Variants in ASTN2 observed in about 807,000 individuals in gnomAD.
The protein encoded by ASTN2 is astrotactin-2.
In ASTN2, 54 loss-of-function variants were observed where a neutral mutation model predicts 139.8. The observed-to-expected ratio is 0.39, with a 90% CI of 0.31 to 0.48. ASTN2 has a LOEUF of 0.48. Among genes scored for constraint, ASTN2 ranks in the 20% least tolerant of loss-of-function variants. ASTN2 has a pLI of 0.95. For synonymous variants in ASTN2, 756 were observed against 719.5 expected (o/e 1.05, Z -0.81); for missense variants, 1,565 against 1,725.1 (o/e 0.91, Z 1.64).
At chr9:117,117,729 A>C (rs1276332478) in intron 4 of ASTN2, among the ~76,000 whole-genome samples, 1 of 152,150 alleles carries the variant, frequency 6.6e-6, no homozygotes, top group Non-Finnish European at 1.5e-5. Context: ...ATAATCTACC[A>C]TGTGCTGAGA....
intron 3 of ASTN2, among the ~76,000 whole-genome samples, chr9:117,170,529 C>G (rs563627373): frequency 6.6e-6 from 1 of 152,206 alleles, no homozygotes; most frequent in African/African-American, 2.4e-5. Flanking sequence ...AAAATATAAG[C>G]TTTGTCAGAT....
chr9:116,492,702 C>T (rs982727276), intron 19 of ASTN2, among the ~76,000 whole-genome samples: 6 of 152,154 alleles, frequency 3.9e-5, no homozygotes, highest in Non-Finnish European at 5.9e-5. Context: ...GATATACAGT[C>T]CCTGGGCAAT....
intron 1 of ASTN2, among the ~76,000 whole-genome samples, chr9:117,363,091 G>A (rs1380451046): frequency 6.6e-6 from 1 of 152,046 alleles, no homozygotes; most frequent in Non-Finnish European, 1.5e-5. Context: ...ATTGCCCCGG[G>A]TCCATTCCCT....
Position 117,241,270 on chromosome 9 carries a change from T to C in ASTN2, c.631-26528A>G, listed in dbSNP as rs138482201. On this transcript the variant is annotated intron_variant, in intron 2 of 22. Transcript: ENST00000313400. ...GGTTCATTTTTAGCTAGAAGAAAAT[T>C]TGACAACTGCACTCCTGAAAACCAG... is the stretch of plus-strand genomic sequence containing the variant. 5.4e-3 allele frequency among the ~76,000 whole-genome samples: 816 copies of C among 152,300 alleles called. 10 individuals carry two copies. The highest frequency in any genetic ancestry group is 0.019 in the African/African-American group (786 of 41,576).
chr9:116,468,596 G>A (rs1333095933), intron 20 of ASTN2, among the ~76,000 whole-genome samples: 1 of 152,088 alleles, frequency 6.6e-6, no homozygotes, highest in African/African-American at 2.4e-5. Context: ...TCCAGGCTTT[G>A]GGAACAGCTT....
chr9:116,768,308 C>A (rs1294595415), intron 13 of ASTN2, among the ~76,000 whole-genome samples: 2 of 134,956 alleles, frequency 1.5e-5, no homozygotes, highest in Non-Finnish European at 3.5e-5. Context: ...GCCAAAACTG[C>A]TGGTCTCCAT....
At chr9:116,756,118 G>A (rs1028049123) in intron 13 of ASTN2, among the ~76,000 whole-genome samples, 1 of 152,116 alleles carries the variant, frequency 6.6e-6, no homozygotes, top group Non-Finnish European at 1.5e-5. Flanking sequence ...ATATTGTTTG[G>A]GGCTTAGTTT....
rs1469011322 is a variant in ASTN2 at position 116,456,432 on chromosome 9, TATAGATTCAATGCAATCCCTAGCAAA to T, written c.3498-13905_3498-13880del. 3.3e-5 allele frequency among the ~76,000 whole-genome samples: 5 copies of T among 152,274 alleles called. No homozygotes were observed. In the East Asian group the frequency reaches 7.7e-4, roughly 23 times the overall value. The stretch of plus-strand genomic sequence containing the variant: ...AAAATCCATATTACCCAAAGCAATC[TATAGATTCAATGCAATCCCTAGCAAA>T]ATACCAATGACATTTGTATTAGTCC... On this transcript the variant is annotated intron_variant, in intron 20 of 22. Coordinates refer to ENST00000313400, the MANE Select transcript of ASTN2 (RefSeq NM_001365068.1).
chr9:116,614,417 C>T (rs147285275), intron 19 of ASTN2, among the ~76,000 whole-genome samples: 17,703 of 152,148 alleles, frequency 0.12, 1,177 homozygotes, highest in Middle Eastern at 0.18. Context: ...ATTGCCAAGA[C>T]AATCCTAAGT....
At chr9:116,929,366 T>G (rs1484769647) in intron 10 of ASTN2, among the ~76,000 whole-genome samples, 1 of 152,150 alleles carries the variant, frequency 6.6e-6, no homozygotes, top group Admixed American at 6.5e-5. Context: ...TACAATGCAT[T>G]CCTTTGGTAT....
At chr9:117,305,926 T>C (rs746014719) in intron 1 of ASTN2, among the ~76,000 whole-genome samples, 1 of 152,178 alleles carries the variant, frequency 6.6e-6, no homozygotes, top group Non-Finnish European at 1.5e-5. Flanking sequence ...TACTACTATC[T>C]CCTCTGCGGT....
chr9:117,211,480 G>T (rs1000206096), intron 3 of ASTN2, among the ~76,000 whole-genome samples: 4 of 151,818 alleles, frequency 2.6e-5, no homozygotes, highest in African/African-American at 9.7e-5. Context: ...TTCTCCCATT[G>T]CTCTCTCTCT....
intron 10 of ASTN2, among the ~76,000 whole-genome samples, chr9:116,958,225 C>A (rs894790325): frequency 6.6e-6 from 1 of 152,140 alleles, no homozygotes; most frequent in Non-Finnish European, 1.5e-5. Context: ...ATTGAGCATG[C>A]CTCTGTAATT....
At chr9:117,179,916 T>C (rs1349727196) in intron 3 of ASTN2, among the ~76,000 whole-genome samples, 1 of 152,176 alleles carries the variant, frequency 6.6e-6, no homozygotes, top group Non-Finnish European at 1.5e-5. Context: ...ATGTAGGATG[T>C]AGGTGATGGA....
intron 5 of ASTN2, among the ~76,000 whole-genome samples, chr9:117,090,255 T>C (rs1013671319): frequency 2.6e-5 from 4 of 152,252 alleles, no homozygotes; most frequent in Non-Finnish European, 5.9e-5. Flanking sequence ...TGTTTATTAG[T>C]TGGCCACTTA....
chr9:117,293,855 A>G (rs557375219), intron 1 of ASTN2, among the ~76,000 whole-genome samples: 2 of 152,260 alleles, frequency 1.3e-5, no homozygotes, highest in Non-Finnish European at 2.9e-5. Flanking sequence ...TAGAAATAGC[A>G]GTGTCTAATT....
chr9:117,274,210 C>T (rs982442170), intron 2 of ASTN2, among the ~76,000 whole-genome samples: 3 of 152,074 alleles, frequency 2.0e-5, no homozygotes, highest in East Asian at 1.9e-4. Flanking sequence ...AATAGCCGGA[C>T]GTGGTGACAT....
intron 11 of ASTN2, among the ~76,000 whole-genome samples, chr9:116,849,756 C>T (rs774429730): frequency 2.0e-5 from 3 of 152,112 alleles, no homozygotes; most frequent in Non-Finnish European, 4.4e-5. Flanking sequence ...TATCGCTTCC[C>T]CATCTCTTGT....
chr9:117,409,306 C>A (rs1468984706), intron 1 of ASTN2, among the ~76,000 whole-genome samples: 7 of 152,194 alleles, frequency 4.6e-5, no homozygotes, highest in Admixed American at 4.6e-4. Context: ...AAATTACCAT[C>A]TGCTTTGATT....
Sources: gnomAD v4.1 joint callset for allele counts (sites outside exome capture counted in the v4.1 genomes callset) on GRCh38, gnomAD v4.1.1 for gene constraint, MANE v1.5 for transcripts, NCBI Gene and HGNC (gene_info 2026-07-23, HGNC 2026-07-21) for gene names.